TNFRSF10C: variants seen among roughly 807,000 people sequenced by gnomAD.
TNFRSF10C encodes tumor necrosis factor receptor superfamily member 10C.
Under a neutral mutation model 16.7 loss-of-function variants are expected in TNFRSF10C, and 17 were observed. The ratio of observed to expected loss-of-function variants is 1.02; its 90% CI spans 0.70 to 1.53. TNFRSF10C has a LOEUF of 1.53. Among genes scored for constraint, TNFRSF10C ranks in the 40% most tolerant of loss-of-function variants. The pLI is 0.00. For synonymous variants in TNFRSF10C, 73 were observed against 119.7 expected (o/e 0.61, Z 2.55); for missense variants, 237 against 329.7 (o/e 0.72, Z 2.18).
chr8:23,116,489 A>T, intron 4 of TNFRSF10C, 152 bp from the exon 5 acceptor site: 1 of 1,079,778 alleles, frequency 9.3e-7, no homozygotes, highest in Non-Finnish European at 1.3e-6. Flanking sequence ...CCCAGCCTCA[A>T]CGAGGGAACT....
chr8:23,114,525 C>G lies in TNFRSF10C; in HGVS notation c.167-132C>G, dbSNP rs535836626. The G allele has an allele frequency of 2.5e-4, 167 of 673,910 alleles. No homozygotes were observed. The African/African-American group carries it at 2.8e-3, about 11-fold the overall frequency. The allele number at this position is 673,910 out of a possible 1,614,324, so 41.7% of individuals were successfully genotyped here. A position where few individuals can be genotyped will look rare whatever the true frequency, so the allele number is the denominator to read the frequency against. On this transcript the variant is annotated intron_variant, in intron 2 of 4. Transcript: ENST00000356864. ...TATGTAATAGATGCTGAATGGATGACAAGACCAAGCCTGGAAGAGTGGATT... is the reference window on the plus strand; with the variant it reads ...TATGTAATAGATGCTGAATGGATGAGAAGACCAAGCCTGGAAGAGTGGATT...
chr8:23,115,060 G>T (rs973473286), intron 3 of TNFRSF10C, among the ~76,000 whole-genome samples: 6 of 152,180 alleles, frequency 3.9e-5, no homozygotes, highest in African/African-American at 1.4e-4. Context: ...AGTGGCACGG[G>T]TCTGCTCCAG....
intron 1 of TNFRSF10C, among the ~76,000 whole-genome samples, chr8:23,110,517 T>C (rs1813861157): frequency 6.6e-6 from 1 of 152,236 alleles, no homozygotes; most frequent in African/African-American, 2.4e-5. Flanking sequence ...AGTGTGTACT[T>C]TCTACAAACA....
In TNFRSF10C at chr8:23,116,892, C is replaced by A. The variant is rs61736406; in HGVS notation, c.641C>A (p.Thr214Asn). ...GCCCCAGCTGCTGAAGAGACAATGA[C>A]CACCAGCCCGGGGACTCCTGCCCCA... ...TPAPAAEETM[T>N]TSPGTPAPAA... Residue 214 changes from threonine to asparagine, a missense_variant, in exon 5 of 5, where the codon ACC becomes AAC. Coordinates refer to ENST00000356864, the MANE Select transcript of TNFRSF10C (RefSeq NM_003841.5). 1.3e-6 allele frequency: 2 copies of A among 1,585,214 alleles called. No homozygotes were observed. The highest frequency in any genetic ancestry group is 1.6e-5 in the African/African-American group (1 of 62,618).
intron 2 of TNFRSF10C, 40 bp from the exon 3 acceptor site, chr8:23,114,617 C>T (rs1250030692): frequency 6.5e-7 from 1 of 1,534,890 alleles, no homozygotes; most frequent in Non-Finnish European, 9.0e-7. Context: ...TCTGGGAATT[C>T]TGTGGTGACT....
intron 1 of TNFRSF10C, among the ~76,000 whole-genome samples, chr8:23,109,816 A>G (rs1167091221): frequency 6.6e-6 from 1 of 152,118 alleles, no homozygotes; most frequent in Non-Finnish European, 1.5e-5. Context: ...CTGTAATCCC[A>G]GTACTTTGGG....
chr8:23,115,546 A>G lies in TNFRSF10C; in HGVS notation c.319A>G (p.Thr107Ala). 1 of 1,613,440 alleles carries G rather than the reference A, an allele frequency of 6.2e-7. No homozygotes were observed. Among genetic ancestry groups the G allele is most frequent in the Non-Finnish European group, 8.5e-7 (1 of 1,179,684 alleles). The change falls in exon 4 of 5, where the codon ACA becomes GCA. Residue 107 changes from threonine (T) to alanine (A), a missense_variant. Around this residue, in one of 2 missense-constraint regions of TNFRSF10C, gnomAD observed 212 missense variants for 196.8 expected, o/e 1.08. Coordinates refer to ENST00000356864, the MANE Select transcript of TNFRSF10C (RefSeq NM_003841.5). ...AAGTTCCTGCACCATGACCAGAGAC[A>G]CAGTGTGTCAGTGTAAAGAAGGCAC... ...HKSSCTMTRDTVCQCKEGTFR... is the reference protein window; with the variant it reads ...HKSSCTMTRDAVCQCKEGTFR...
In TNFRSF10C at chr8:23,117,097, G is replaced by A. The variant is rs780085879; in HGVS notation, c.*66G>A. Reference sequence around the variant, plus strand: ...GTTCAGGTAGGCGCTGGCTGAGGGCGGGGGGCGCTGGACACTCTCTGCCCT... The same window carrying A: ...GTTCAGGTAGGCGCTGGCTGAGGGCAGGGGGCGCTGGACACTCTCTGCCCT... On this transcript the variant is annotated 3_prime_UTR_variant, in exon 5 of 5. Transcript: ENST00000356864. The A allele has an allele frequency of 2.9e-5, 46 of 1,569,956 alleles. No homozygotes were observed. The highest frequency in any genetic ancestry group is 3.5e-4 in the Middle Eastern group (2 of 5,786).
At chr8:23,111,188 A>G (rs913744866) in intron 1 of TNFRSF10C, among the ~76,000 whole-genome samples, 2 of 151,994 alleles carry the variant, frequency 1.3e-5, no homozygotes, top group African/African-American at 4.8e-5. Flanking sequence ...AAAAGGATAC[A>G]TAAGTGTTTT....
At chr8:23,106,398 G>A (rs1335935097) in intron 1 of TNFRSF10C, among the ~76,000 whole-genome samples, 5 of 151,646 alleles carry the variant, frequency 3.3e-5, no homozygotes, top group East Asian at 1.9e-4. Flanking sequence ...GGAGGGGAGC[G>A]AAGCTCTCCT....
chr8:23,113,738 A>G (rs1813924965), intron 2 of TNFRSF10C, among the ~76,000 whole-genome samples: 1 of 152,204 alleles, frequency 6.6e-6, no homozygotes. Context: ...CGATGCCTCC[A>G]TCTTTGTTCT....
intron 2 of TNFRSF10C, among the ~76,000 whole-genome samples, chr8:23,113,519 T>C (rs532255696): frequency 6.6e-6 from 1 of 152,348 alleles, no homozygotes; most frequent in African/African-American, 2.4e-5. Flanking sequence ...TGCATGTCAA[T>C]ACCTACTTTT....
intron 2 of TNFRSF10C, among the ~76,000 whole-genome samples, chr8:23,113,034 A>T (rs1813909402): frequency 6.6e-6 from 1 of 151,418 alleles, no homozygotes; most frequent in Non-Finnish European, 1.5e-5. Context: ...GATATTTGGC[A>T]CTTGATGGTT....
chr8:23,115,568 G>T lies in TNFRSF10C; in HGVS notation c.341G>T (p.Gly114Val), dbSNP rs760628420. The T allele has an allele frequency of 1.9e-6, 3 of 1,613,332 alleles. No individual in the cohort carries two copies. The highest frequency in any genetic ancestry group is 1.7e-5 in the Admixed American group (1 of 59,920). ...TRDTVCQCKEGTFRNENSPEM... is the reference protein window; with the variant it reads ...TRDTVCQCKEVTFRNENSPEM... ...GACACAGTGTGTCAGTGTAAAGAAG[G>T]CACCTTCCGGAATGAAAACTCCCCA... The change falls in exon 4 of 5, where the codon GGC becomes GTC. Residue 114 changes from glycine to valine, a missense_variant. By Grantham distance (109) the Gly-to-Val change is moderately radical. This residue lies in a region of TNFRSF10C where 212 missense variants were observed against 196.8 expected (regional missense o/e 1.08). Transcript: ENST00000356864.
chr8:23,107,269 T>C (rs1813796226), intron 1 of TNFRSF10C, among the ~76,000 whole-genome samples: 5 of 152,206 alleles, frequency 3.3e-5, no homozygotes, highest in Admixed American at 3.3e-4. Flanking sequence ...GCTTACCATC[T>C]GATTCCATTT....
chr8:23,110,575 C>T (rs1271788045), intron 1 of TNFRSF10C, among the ~76,000 whole-genome samples: 1 of 152,172 alleles, frequency 6.6e-6, no homozygotes, highest in East Asian at 1.9e-4. Context: ...CACTCTATTC[C>T]GATTTCTCCA....
intron 1 of TNFRSF10C, among the ~76,000 whole-genome samples, chr8:23,109,572 G>T (rs1177716080): frequency 6.6e-6 from 1 of 151,682 alleles, no homozygotes; most frequent in Non-Finnish European, 1.5e-5. Flanking sequence ...GGGAGGTGGA[G>T]CTTGCAGTGA....
chr8:23,108,261 G>A (rs1190082369), intron 1 of TNFRSF10C, among the ~76,000 whole-genome samples: 1 of 152,054 alleles, frequency 6.6e-6, no homozygotes, highest in African/African-American at 2.4e-5. Flanking sequence ...ACAGTACGCA[G>A]CCGGACCGCC....
At chr8:23,111,201 TTTTTC>T (rs1490843229) in intron 1 of TNFRSF10C, among the ~76,000 whole-genome samples, 1 of 151,698 alleles carries the variant, frequency 6.6e-6, no homozygotes, top group Non-Finnish European at 1.5e-5. Context: ...AGTGTTTTTC[TTTTTC>T]TTTTCATTTT....
Sources: allele counts gnomAD v4.1 joint callset (sites outside exome capture counted in the v4.1 genomes callset), GRCh38; gene constraint gnomAD v4.1.1; regional missense constraint gnomAD v4.1.1; transcripts MANE v1.5; gene names NCBI Gene and HGNC (gene_info 2026-07-23, HGNC 2026-07-21).